LEMD3: variants seen among roughly 807,000 people sequenced by gnomAD.
LEMD3 encodes the protein LEM domain containing 3, also known as inner nuclear membrane protein Man1.
In LEMD3, 33 loss-of-function variants were observed where a neutral mutation model predicts 95.2. That is an observed-to-expected ratio of 0.35 (90% CI 0.26 to 0.46). LEMD3 has a LOEUF of 0.46. Among genes scored for constraint, LEMD3 ranks in the 20% least tolerant of loss-of-function variants. The pLI is 1.00. For synonymous variants in LEMD3, 525 were observed against 474.6 expected, an observed-to-expected ratio of 1.11 and a Z score of -1.38; for missense variants, 1,210 against 1,192.8, an observed-to-expected ratio of 1.01 and a Z score of -0.21.
chr12:65,228,158 G>A (rs1376260315), intron 4 of LEMD3, among the ~76,000 whole-genome samples: 1 of 152,024 alleles, frequency 6.6e-6, no homozygotes, highest in African/African-American at 2.4e-5. Context: ...GTAGCTGTGG[G>A]TCAGCAATGG....
intron 4 of LEMD3, among the ~76,000 whole-genome samples, chr12:65,225,043 C>T (rs994183499): frequency 6.6e-6 from 1 of 152,010 alleles, no homozygotes; most frequent in Non-Finnish European, 1.5e-5. Context: ...CTAATGAATT[C>T]TTAAATTCAG....
In LEMD3 at chr12:65,188,323, A is replaced by C. The variant is rs920716410; in HGVS notation, c.1522+17205A>C. Among the ~76,000 whole-genome samples, 5 of 152,286 alleles carry C rather than the reference A, an allele frequency of 3.3e-5. No homozygotes were observed. The South Asian group carries it at 1.0e-3, about 32-fold the overall frequency. On this transcript the variant is annotated intron_variant, in intron 1 of 12. Coordinates refer to ENST00000308330, the MANE Select transcript of LEMD3 (RefSeq NM_014319.5). ...TGAAGGCGGGGAGAGATAGCCTAGTAAACTTTAGGCAGAATAAATTAAACA... is the reference window on the plus strand; with the variant it reads ...TGAAGGCGGGGAGAGATAGCCTAGTCAACTTTAGGCAGAATAAATTAAACA...
intron 1 of LEMD3, among the ~76,000 whole-genome samples, chr12:65,178,966 A>C (rs758959477): frequency 5.1e-4 from 77 of 152,338 alleles, no homozygotes; most frequent in African/African-American, 1.8e-3. Flanking sequence ...TTCATTCAAC[A>C]ATTATGAATC....
At chr12:65,185,578 G>C (rs1869036883) in intron 1 of LEMD3, among the ~76,000 whole-genome samples, 1 of 151,854 alleles carries the variant, frequency 6.6e-6, no homozygotes, top group Admixed American at 6.6e-5. Flanking sequence ...CAAAAGTACT[G>C]TTATGGGGAA....
At chr12:65,178,838 A>G (rs1373522300) in intron 1 of LEMD3, among the ~76,000 whole-genome samples, 1 of 152,188 alleles carries the variant, frequency 6.6e-6, no homozygotes, top group East Asian at 1.9e-4. Flanking sequence ...AGGACTTGAT[A>G]TATGTTCTCT....
chr12:65,170,011 T>C lies in LEMD3; in HGVS notation c.415T>C (p.Phe139Leu). ...GGCTGGCAGCAAAGTGCTGCTGGGC[T>C]TCAGCTCGGACGAGTCGGACGTGGA... ...PAAGSKVLLGFSSDESDVEAS... is the reference protein window; with the variant it reads ...PAAGSKVLLGLSSDESDVEAS... The change falls in exon 1 of 13, where the codon TTC (phenylalanine) becomes CTC (leucine). Residue 139 changes from phenylalanine (F) to leucine (L), a missense_variant. Transcript: ENST00000308330. 1 of 1,501,738 alleles carries C rather than the reference T, an allele frequency of 6.7e-7. No individual in the cohort carries two copies. The allele number at this position is 1,501,738 out of a possible 1,614,324, so 93.0% of individuals were successfully genotyped here.
intron 4 of LEMD3, among the ~76,000 whole-genome samples, chr12:65,226,984 A>C (rs1870466948): frequency 6.6e-6 from 1 of 152,174 alleles, no homozygotes; most frequent in East Asian, 1.9e-4. Context: ...TGAGAACATT[A>C]ATGACAGTAA....
At chr12:65,244,111 CTGTT>C (rs1417452520) in intron 10 of LEMD3, among the ~76,000 whole-genome samples, 7 of 152,128 alleles carry the variant, frequency 4.6e-5, no homozygotes, top group African/African-American at 1.7e-4. Context: ...AGATCAAATT[CTGTT>C]TGTTTTAAAA....
chr12:65,213,495 G>A (rs1269551191), intron 2 of LEMD3, among the ~76,000 whole-genome samples: 2 of 152,152 alleles, frequency 1.3e-5, no homozygotes, highest in African/African-American at 2.4e-5. Context: ...CCAAACTTGG[G>A]ATTTCAGGTG....
intron 1 of LEMD3, among the ~76,000 whole-genome samples, chr12:65,181,460 A>G (rs776499722): frequency 3.2e-4 from 49 of 152,088 alleles, no homozygotes; most frequent in Non-Finnish European, 5.7e-4. Flanking sequence ...TCTTTTTCCT[A>G]AATATTTCTG....
At chr12:65,226,860 A>G (rs983430724) in intron 4 of LEMD3, among the ~76,000 whole-genome samples, 6 of 152,218 alleles carry the variant, frequency 3.9e-5, no homozygotes, top group East Asian at 1.9e-4. Flanking sequence ...AATAAATTCA[A>G]TTTCTGTGTT....
rs1335399818 is a variant in LEMD3 at position 65,169,863 on chromosome 12, G to A, written c.267G>A (p.Met89Ile). Residue 89 changes from methionine to isoleucine, a missense_variant, in exon 1 of 13, where the codon ATG becomes ATA. This residue lies in a region of LEMD3 where 749 missense variants were observed against 622.9 expected (regional missense o/e 1.20). Transcript: ENST00000308330. ...AGPAAAAAAGMGVRPVSGDLS... is the reference protein window; with the variant it reads ...AGPAAAAAAGIGVRPVSGDLS... ...CAGCGGCGGCGGCGGCCGCGGGGAT[G>A]GGGGTCCGGCCGGTCTCGGGCGACC... 2 of 1,460,966 alleles carry A rather than the reference G, an allele frequency of 1.4e-6. No homozygotes were observed. Among genetic ancestry groups the A allele is most frequent in the Admixed American group, 2.7e-5 (1 of 36,794 alleles). The allele number at this position is 1,460,966 out of a possible 1,614,324, so 90.5% of individuals were successfully genotyped here. A position where few individuals can be genotyped will look rare whatever the true frequency, so the allele number is the denominator to read the frequency against.
At chr12:65,223,553 A>C (rs1258770745) in intron 4 of LEMD3, among the ~76,000 whole-genome samples, 2 of 149,226 alleles carry the variant, frequency 1.3e-5, no homozygotes, top group Non-Finnish European at 3.0e-5. Flanking sequence ...GGCTACCCCT[A>C]CTCTTTATTC....
intron 1 of LEMD3, among the ~76,000 whole-genome samples, chr12:65,185,266 A>G: frequency 6.6e-6 from 1 of 152,170 alleles, no homozygotes; most frequent in South Asian, 2.1e-4. Context: ...GATTGAGCCA[A>G]TATGGAATCA....
chr12:65,246,868 G>A lies in LEMD3; in HGVS notation c.*543G>A, dbSNP rs1871128034. ...GCTTAGTGGTTACAAATATGTGTAAGTGGATGTATATGTACTTAAACTGGC... is the reference window on the plus strand; with the variant it reads ...GCTTAGTGGTTACAAATATGTGTAAATGGATGTATATGTACTTAAACTGGC... On this transcript the variant is annotated 3_prime_UTR_variant, in exon 13 of 13. Coordinates refer to ENST00000308330, the MANE Select transcript of LEMD3 (RefSeq NM_014319.5). 6.3e-6 allele frequency: 1 copy of A among 158,504 alleles called. No individual in the cohort carries two copies. Among genetic ancestry groups the A allele is most frequent in the African/African-American group, 2.4e-5 (1 of 41,482 alleles). 9.8% of individuals were successfully genotyped at this position (158,504 alleles called of 1,614,324 possible). A position where few individuals can be genotyped will look rare whatever the true frequency, so the allele number is the denominator to read the frequency against.
chr12:65,192,040 G>A (rs1386192777), intron 1 of LEMD3, among the ~76,000 whole-genome samples: 1 of 148,434 alleles, frequency 6.7e-6, no homozygotes, highest in Non-Finnish European at 1.5e-5. Flanking sequence ...ATCACTTGAA[G>A]TAATACCTAC....
chr12:65,170,918 A>G lies in LEMD3; in HGVS notation c.1322A>G (p.Tyr441Cys). The G allele has an allele frequency of 6.2e-7, 1 of 1,614,208 alleles. No individual in the cohort carries two copies. Among genetic ancestry groups the G allele is most frequent in the Non-Finnish European group, 8.5e-7 (1 of 1,180,036 alleles). Reference protein sequence around the residue: ...GSNHTYLKNTYNKPKLSEPEE... With the variant: ...GSNHTYLKNTCNKPKLSEPEE... ...AATCATACCTACCTGAAAAACACAT[A>G]CAACAAACCGAAGCTTTCCGAACCC... The change falls in exon 1 of 13, where the codon TAC (tyrosine) becomes TGC (cysteine). Residue 441 changes from tyrosine (Y) to cysteine (C), a missense_variant. Coordinates refer to ENST00000308330, the MANE Select transcript of LEMD3 (RefSeq NM_014319.5).
At chr12:65,212,909 GTAAGTT>G (rs1214020435) in intron 2 of LEMD3, among the ~76,000 whole-genome samples, 3 of 152,192 alleles carry the variant, frequency 2.0e-5, no homozygotes, top group African/African-American at 4.8e-5. Flanking sequence ...AAACCAGTAA[GTAAGTT>G]TAAAAGTTGA....
chr12:65,201,013 A>G (rs943402251), intron 1 of LEMD3, among the ~76,000 whole-genome samples: 1 of 152,136 alleles, frequency 6.6e-6, no homozygotes, highest in Non-Finnish European at 1.5e-5. Context: ...ATTTTTTTGC[A>G]TGTGAGTATC....
Sources: gnomAD v4.1 joint callset for allele counts (sites outside exome capture counted in the v4.1 genomes callset) on GRCh38, gnomAD v4.1.1 for gene constraint, gnomAD v4.1.1 regional missense constraint, MANE v1.5 for transcripts, NCBI Gene and HGNC (gene_info 2026-07-23, HGNC 2026-07-21) for gene names.